Variants in DST observed in about 807,000 individuals in gnomAD.
The protein encoded by DST is dystonin.
In DST, 253 loss-of-function variants were observed where a neutral mutation model predicts 875.2. The observed-to-expected ratio is 0.29, with a 90% CI of 0.26 to 0.32. DST has a LOEUF of 0.32. Ranked by LOEUF, DST falls within the 10% of genes least tolerant of loss-of-function variation. The pLI is 1.00. For missense variants in DST, 8,287 were observed against 9,111.6 expected (o/e 0.91, Z 3.68); for synonymous variants, 3,124 against 3,197.1 (o/e 0.98, Z 0.77).
intron 38 of DST, among the ~76,000 whole-genome samples, chr6:56,611,034 G>A (rs1248771977): frequency 7.9e-5 from 12 of 152,106 alleles, no homozygotes; most frequent in Admixed American, 7.9e-4. Flanking sequence ...AAGAATTTAA[G>A]AAAAAGGTGG....
intron 2 of DST, among the ~76,000 whole-genome samples, chr6:56,913,783 G>T (rs750101754): frequency 7.9e-5 from 12 of 152,180 alleles, no homozygotes; most frequent in Non-Finnish European, 1.5e-4. Flanking sequence ...TGGCAGCCGT[G>T]TCTACTCCAT....
intron 2 of DST, among the ~76,000 whole-genome samples, chr6:56,917,009 A>AAAAAAAAC (rs1562395142): frequency 1.4e-4 from 14 of 99,862 alleles, no homozygotes; most frequent in African/African-American, 5.2e-4. Context: ...AAAAAAAAAA[A>AAAAAAAAC]AAAAAAAAGA....
intron 2 of DST, among the ~76,000 whole-genome samples, chr6:56,914,512 G>A (rs996551705): frequency 3.3e-5 from 5 of 152,180 alleles, no homozygotes; most frequent in South Asian, 4.1e-4. Context: ...ACTTCCTGTG[G>A]GATCTTGGGG....
At chr6:56,573,118 G>A (rs1223180179) in intron 51 of DST, 54 bp from the exon 52 acceptor site, 3 of 1,402,240 alleles carry the variant, frequency 2.1e-6, no homozygotes, top group Non-Finnish European at 2.8e-6. Context: ...TAAATAATGT[G>A]ACAGAATTTT....
At chr6:56,680,816 TC>T (rs2099153596) in intron 9 of DST, among the ~76,000 whole-genome samples, 1 of 152,092 alleles carries the variant, frequency 6.6e-6, no homozygotes, top group African/African-American at 2.4e-5. Context: ...CTATATCCCA[TC>T]CCAAACCTTA....
At chr6:56,775,425 T>C (rs2099677039) in intron 4 of DST, among the ~76,000 whole-genome samples, 1 of 152,210 alleles carries the variant, frequency 6.6e-6, no homozygotes, top group Non-Finnish European at 1.5e-5. Context: ...CAAAAAGTAT[T>C]TCACTTACTA....
chr6:56,627,379 C>A (rs1191158602), intron 33 of DST, 92 bp from the exon 34 acceptor site: 24 of 861,022 alleles, frequency 2.8e-5, no homozygotes, highest in Non-Finnish European at 6.0e-6. Flanking sequence ...ATCTACATCA[C>A]TTCACAGTAC....
chr6:56,580,850 A>G (rs2097969224), intron 49 of DST, among the ~76,000 whole-genome samples: 1 of 147,732 alleles, frequency 6.8e-6, no homozygotes, highest in Non-Finnish European at 1.5e-5. Flanking sequence ...CTCCCACCTG[A>G]GCCTCCCAAT....
chr6:56,780,084 C>T (rs1210936283), intron 4 of DST, among the ~76,000 whole-genome samples: 2 of 151,756 alleles, frequency 1.3e-5, no homozygotes, highest in East Asian at 3.9e-4. Context: ...CATAGTATTC[C>T]ATGGTGCATA....
chr6:56,660,487 T>C (rs769578213), intron 10 of DST, among the ~76,000 whole-genome samples: 1 of 152,074 alleles, frequency 6.6e-6, no homozygotes, highest in African/African-American at 2.4e-5. Flanking sequence ...GCCTCACTTA[T>C]CCTATGATAG....
At chr6:56,795,183 C>A (rs186411250) in intron 4 of DST, among the ~76,000 whole-genome samples, 1 of 151,858 alleles carries the variant, frequency 6.6e-6, no homozygotes, top group African/African-American at 2.4e-5. Context: ...TCCTTAAATA[C>A]AAACAGGAGT....
At chr6:56,744,572 G>A (rs532153645) in intron 4 of DST, among the ~76,000 whole-genome samples, 9 of 152,156 alleles carry the variant, frequency 5.9e-5, no homozygotes, top group African/African-American at 9.7e-5. Flanking sequence ...AGTTGGGATC[G>A]TTGAAAAGAT....
intron 4 of DST, among the ~76,000 whole-genome samples, chr6:56,776,768 ATTTATT>A (rs1213089777): frequency 6.6e-5 from 10 of 152,172 alleles, no homozygotes; most frequent in Admixed American, 3.3e-4. Context: ...CACCTAAATT[ATTTATT>A]TTTATTTTCA....
chr6:56,717,044 G>A (rs996785556), intron 5 of DST, among the ~76,000 whole-genome samples: 4 of 152,096 alleles, frequency 2.6e-5, no homozygotes, highest in East Asian at 1.9e-4. Context: ...TTAGCTGGGC[G>A]TGGTAGCAGG....
At chr6:56,506,389 T>TA in intron 77 of DST, 54 bp downstream of exon 77, 1 of 1,410,246 alleles carries the variant, frequency 7.1e-7, no homozygotes, top group East Asian at 2.4e-5. Context: ...AGACATCAAT[T>TA]AGTACGATTC....
At chr6:56,653,037 T>TA (rs2098985038) in intron 10 of DST, among the ~76,000 whole-genome samples, 1 of 152,078 alleles carries the variant, frequency 6.6e-6, no homozygotes, top group Non-Finnish European at 1.5e-5. Context: ...TTTAGGGAAA[T>TA]AAAAAACAGA....
At chr6:56,823,671 A>T (rs980354729) in intron 4 of DST, among the ~76,000 whole-genome samples, 13 of 152,044 alleles carry the variant, frequency 8.6e-5, no homozygotes, top group Non-Finnish European at 1.6e-4. Flanking sequence ...GGCCTTCCAA[A>T]GTGCTGGGAT....
intron 9 of DST, among the ~76,000 whole-genome samples, chr6:56,678,546 A>G (rs2099141646): frequency 6.6e-6 from 1 of 152,202 alleles, no homozygotes; most frequent in African/African-American, 2.4e-5. Context: ...GTTTATTATT[A>G]TAATATGTAT....
intron 10 of DST, among the ~76,000 whole-genome samples, chr6:56,651,513 T>G (rs1282441816): frequency 6.6e-6 from 1 of 152,218 alleles, no homozygotes; most frequent in South Asian, 2.1e-4. Context: ...AGAATATATA[T>G]GAGTATTTGT....
Sources: allele counts gnomAD v4.1 joint callset (sites outside exome capture counted in the v4.1 genomes callset), GRCh38; gene constraint gnomAD v4.1.1; transcripts MANE v1.5; gene names NCBI Gene and HGNC (gene_info 2026-07-23, HGNC 2026-07-21).